The following ASIC2 variants were observed in gnomAD, a reference collection of about 807,000 sequenced individuals.
ASIC2 encodes acid sensing ion channel subunit 2.
In ASIC2, 25 loss-of-function variants were observed where a neutral mutation model predicts 57.3. The ratio of observed to expected loss-of-function variants is 0.44; its 90% CI spans 0.32 to 0.61. ASIC2 has a LOEUF of 0.61. Ranked by LOEUF, ASIC2 falls within the 20% of genes least tolerant of loss-of-function variation. ASIC2 has a pLI of 0.06. For missense variants in ASIC2, 641 were observed against 738.1 expected, an observed-to-expected ratio of 0.87 and a Z score of 1.52; for synonymous variants, 319 against 307.5, an observed-to-expected ratio of 1.04 and a Z score of -0.39.
At chr17:34,134,125 G>A (rs1474636066) in intron 1 of ASIC2, among the ~76,000 whole-genome samples, 1 of 152,200 alleles carries the variant, frequency 6.6e-6, no homozygotes, top group African/African-American at 2.4e-5. Context: ...CTTTATATCT[G>A]TAATGGTTAA....
chr17:33,620,883 CCCCACAGCCTCTCCAG>C (rs1905770806), intron 1 of ASIC2, among the ~76,000 whole-genome samples: 1 of 152,036 alleles, frequency 6.6e-6, no homozygotes, highest in South Asian at 2.1e-4. Flanking sequence ...CACCCCCAGC[CCCCACAGCCTCTCCAG>C]CCTCTCTGAG....
chr17:33,977,218 A>G (rs917590327), intron 1 of ASIC2, among the ~76,000 whole-genome samples: 2 of 152,022 alleles, frequency 1.3e-5, no homozygotes, highest in Non-Finnish European at 2.9e-5. Flanking sequence ...TGAGCCAATT[A>G]AACTAAAGTA....
intron 1 of ASIC2, among the ~76,000 whole-genome samples, chr17:33,130,695 G>C (rs186521087): frequency 2.2e-4 from 33 of 152,296 alleles, no homozygotes; most frequent in African/African-American, 5.1e-4. Context: ...CCTCCTGGAG[G>C]GGGGGACTTG....
chr17:33,478,536 T>C (rs1913302750), intron 1 of ASIC2, among the ~76,000 whole-genome samples: 1 of 152,246 alleles, frequency 6.6e-6, no homozygotes, highest in Non-Finnish European at 1.5e-5. Context: ...TCGCTTCTCT[T>C]ATTTGCACAG....
intron 2 of ASIC2, among the ~76,000 whole-genome samples, chr17:33,098,944 AAATAT>A (rs1322651948): frequency 2.0e-5 from 3 of 150,120 alleles, no homozygotes; most frequent in Non-Finnish European, 4.4e-5. Context: ...TATATACACA[AAATAT>A]ATATATAAAC....
At chr17:33,637,279 G>A (rs1486171206) in intron 1 of ASIC2, among the ~76,000 whole-genome samples, 1 of 152,028 alleles carries the variant, frequency 6.6e-6, no homozygotes, top group Non-Finnish European at 1.5e-5. Flanking sequence ...GCTGGCCACT[G>A]AAGTGCCCTT....
chr17:33,507,166 C>T (rs1021118564), intron 1 of ASIC2, among the ~76,000 whole-genome samples: 1 of 152,206 alleles, frequency 6.6e-6, no homozygotes, highest in Non-Finnish European at 1.5e-5. Context: ...TTCTATTAGT[C>T]CCTGAAAACA....
chr17:33,226,987 T>G (rs934150267), intron 1 of ASIC2, among the ~76,000 whole-genome samples: 1 of 144,390 alleles, frequency 6.9e-6, no homozygotes, highest in African/African-American at 2.7e-5. Flanking sequence ...TCAATAATAT[T>G]ATTGAAAAAA....
intron 1 of ASIC2, among the ~76,000 whole-genome samples, chr17:33,553,712 A>T (rs1185895989): frequency 6.6e-6 from 1 of 152,162 alleles, no homozygotes; most frequent in Non-Finnish European, 1.5e-5. Flanking sequence ...TGTGCTTTCC[A>T]TCTTTAACCC....
chr17:33,671,100 CA>C (rs1907625365), intron 1 of ASIC2, among the ~76,000 whole-genome samples: 1 of 152,166 alleles, frequency 6.6e-6, no homozygotes, highest in South Asian at 2.1e-4. Flanking sequence ...GCTCCTTTAT[CA>C]ATTACTCCAT....
intron 1 of ASIC2, among the ~76,000 whole-genome samples, chr17:33,309,920 A>G (rs967993991): frequency 4.1e-5 from 6 of 145,294 alleles, no homozygotes; most frequent in African/African-American, 1.3e-4. Flanking sequence ...GTTATTTTGT[A>G]TCTAGAATGC....
At chr17:33,547,838 C>A (rs1345533001) in intron 1 of ASIC2, among the ~76,000 whole-genome samples, 1 of 152,178 alleles carries the variant, frequency 6.6e-6, no homozygotes, top group Non-Finnish European at 1.5e-5. Context: ...CACCTCATAC[C>A]CAGTTCCTCA....
At chr17:33,835,133 C>T (rs559761041) in intron 1 of ASIC2, among the ~76,000 whole-genome samples, 15 of 152,260 alleles carry the variant, frequency 9.9e-5, no homozygotes, top group African/African-American at 3.6e-4. Context: ...TTGACCTGGC[C>T]TCAGAGGCAT....
At chr17:33,814,311 T>C (rs1252021258) in intron 1 of ASIC2, among the ~76,000 whole-genome samples, 3 of 152,172 alleles carry the variant, frequency 2.0e-5, no homozygotes. Flanking sequence ...ATGACTGAAG[T>C]GACATCGGAT....
chr17:33,379,493 T>A (rs1029619595), intron 1 of ASIC2, among the ~76,000 whole-genome samples: 1 of 152,206 alleles, frequency 6.6e-6, no homozygotes, highest in Non-Finnish European at 1.5e-5. Context: ...TGGGACCTTT[T>A]AAGGGGGTGA....
At chr17:33,696,623 C>T (rs1908538263) in intron 1 of ASIC2, among the ~76,000 whole-genome samples, 1 of 152,178 alleles carries the variant, frequency 6.6e-6, no homozygotes, top group Non-Finnish European at 1.5e-5. Flanking sequence ...ACAGTTGACT[C>T]TTGAACAATG....
chr17:33,465,853 A>T (rs939383211), intron 1 of ASIC2, among the ~76,000 whole-genome samples: 33 of 152,276 alleles, frequency 2.2e-4, no homozygotes, highest in African/African-American at 7.9e-4. Context: ...ACTTATGTGG[A>T]GATGTGTAGA....
intron 1 of ASIC2, among the ~76,000 whole-genome samples, chr17:33,944,221 T>A (rs1264107161): frequency 6.6e-6 from 1 of 152,234 alleles, no homozygotes; most frequent in Non-Finnish European, 1.5e-5. Flanking sequence ...TCCTTGCACT[T>A]CCCATGGAGA....
chr17:33,814,274 A>T (rs1033424416), intron 1 of ASIC2, among the ~76,000 whole-genome samples: 1 of 152,178 alleles, frequency 6.6e-6, no homozygotes, highest in Non-Finnish European at 1.5e-5. Context: ...GAAAAAGCAA[A>T]GCATAAGTCA....
Sources: gnomAD v4.1 joint callset for allele counts (sites outside exome capture counted in the v4.1 genomes callset) on GRCh38, gnomAD v4.1.1 for gene constraint, MANE v1.5 for transcripts, NCBI Gene and HGNC (gene_info 2026-07-23, HGNC 2026-07-21) for gene names.